Variants in MACO1 observed in about 807,000 individuals in gnomAD.
MACO1 encodes the protein macoilin.
Under a neutral mutation model 78.7 loss-of-function variants are expected in MACO1, and 14 were observed. The observed-to-expected ratio is 0.18, with a 90% confidence interval of 0.12 to 0.28. The LOEUF (loss-of-function observed/expected upper bound fraction) is 0.28. Among genes scored for constraint, MACO1 ranks in the 10% least tolerant of loss-of-function variants. The pLI, the probability that MACO1 is intolerant of heterozygous loss-of-function variation, is 1.00. For missense variants in MACO1, 501 were observed against 799.0 expected, an observed-to-expected ratio of 0.63 and a Z score of 4.50; for synonymous variants, 288 against 291.6, an observed-to-expected ratio of 0.99 and a Z score of 0.12.
chr1:25,450,710 C>T (rs1270727831), intron 3 of MACO1, among the ~76,000 whole-genome samples: 1 of 152,172 alleles, frequency 6.6e-6, no homozygotes, highest in East Asian at 1.9e-4. Context: ...TTATAAGCTA[C>T]TATGAAGGTT....
At chr1:25,455,927 A>G (rs2043115710) in intron 4 of MACO1, among the ~76,000 whole-genome samples, 1 of 151,818 alleles carries the variant, frequency 6.6e-6, no homozygotes, top group South Asian at 2.1e-4. Flanking sequence ...ACTTATGTTT[A>G]CTTTTGGCTA....
At chr1:25,431,290 G>C (rs1557654281) in intron 1 of MACO1, 112 bp downstream of exon 1, 1 of 762,604 alleles carries the variant, frequency 1.3e-6, no homozygotes, top group African/African-American at 1.9e-5. Context: ...CGCGCCGGGG[G>C]CTCTCCTAAG....
chr1:25,472,227 T>C (rs2043277599), intron 6 of MACO1, among the ~76,000 whole-genome samples: 1 of 152,150 alleles, frequency 6.6e-6, no homozygotes, highest in Non-Finnish European at 1.5e-5. Context: ...AGTTCTGGGA[T>C]ACATGTGCAT....
intron 5 of MACO1, 77 bp downstream of exon 5, chr1:25,456,908 A>G: frequency 6.9e-7 from 1 of 1,457,360 alleles, no homozygotes; most frequent in East Asian, 2.3e-5. Flanking sequence ...TCTTTTCTGG[A>G]AAAGTAGCTA....
intron 3 of MACO1, among the ~76,000 whole-genome samples, chr1:25,452,062 T>A (rs1571959226): frequency 6.6e-6 from 1 of 152,272 alleles, no homozygotes; most frequent in Non-Finnish European, 1.5e-5. Context: ...TTCACTCAGG[T>A]ACTAGGACTA....
chr1:25,489,152 C>T (rs1457332739), intron 8 of MACO1, 21 bp from the exon 9 acceptor site: 1 of 1,610,234 alleles, frequency 6.2e-7, no homozygotes, highest in Non-Finnish European at 8.5e-7. Context: ...CACTTTATTT[C>T]CTTCTCTTCT....
chr1:25,491,214 C>T (rs35343405), intron 9 of MACO1, 196 bp from the exon 10 acceptor site: 98,306 of 200,646 alleles, frequency 0.49, 24,518 homozygotes, highest in East Asian at 0.73. Context: ...GTCAAATGAT[C>T]ATCTTCTAAA....
chr1:25,463,571 A>G (rs2043189774), intron 6 of MACO1, among the ~76,000 whole-genome samples: 1 of 152,280 alleles, frequency 6.6e-6, no homozygotes, highest in Non-Finnish European at 1.5e-5. Flanking sequence ...ATTCTAGTCA[A>G]AAACAGAAAA....
chr1:25,481,062 A>G (rs373180630), intron 6 of MACO1, among the ~76,000 whole-genome samples: 4 of 148,880 alleles, frequency 2.7e-5, no homozygotes, highest in East Asian at 3.9e-4. Flanking sequence ...GGATTTTTAC[A>G]TTTTTCAAGG....
rs114699980 is a variant in MACO1 at position 25,468,463 on chromosome 1, A to G, written c.1154+9571A>G. Among the ~76,000 whole-genome samples, 820 of 152,300 alleles carry G rather than the reference A, an allele frequency of 5.4e-3. 9 individuals carry two copies. The highest frequency in any genetic ancestry group is 0.019 in the African/African-American group (788 of 41,564). ...TTCCTCATTCTTGCTTCGAAGGCCT[A>G]GAGTCCTGGGGTGTGCACATTGCCA... On this transcript the variant is annotated intron_variant, in intron 6 of 10. Coordinates refer to ENST00000374343, the MANE Select transcript of MACO1 (RefSeq NM_018202.6).
At chr1:25,456,598 G>A in intron 4 of MACO1, 55 bp from the exon 5 acceptor site, 1 of 1,563,904 alleles carries the variant, frequency 6.4e-7, no homozygotes, top group Non-Finnish European at 8.7e-7. Context: ...TGTGCTTGAG[G>A]CACATGTGGT....
At chr1:25,493,467 C>T (rs2043506940) in intron 10 of MACO1, among the ~76,000 whole-genome samples, 1 of 151,730 alleles carries the variant, frequency 6.6e-6, no homozygotes, top group Non-Finnish European at 1.5e-5. Context: ...CCAGGCTGAC[C>T]TCGAACTCCT....
At chr1:25,486,104 C>G (rs1029449373) in intron 8 of MACO1, among the ~76,000 whole-genome samples, 1 of 152,186 alleles carries the variant, frequency 6.6e-6, no homozygotes, top group African/African-American at 2.4e-5. Flanking sequence ...CTGATGATTA[C>G]TAAATGCATT....
intron 10 of MACO1, 54 bp from the exon 11 acceptor site, chr1:25,498,210 A>G: frequency 5.6e-6 from 9 of 1,593,428 alleles, no homozygotes; most frequent in Non-Finnish European, 7.7e-6. Flanking sequence ...CCCTGGGGAC[A>G]TTGTGTTGGG....
At position 25,486,643 on chromosome 1, in the gene MACO1, T is replaced by C. The variant is rs2043435703; in HGVS notation, c.1496+848T>C. ...GAATTTTGCTTTGTCGTAATTAAAG[T>C]TAAGTAATTTAACTTTTGGCATGTT... On this transcript the variant is annotated intron_variant, in intron 8 of 10. Coordinates refer to ENST00000374343, the MANE Select transcript of MACO1 (RefSeq NM_018202.6). Among the ~76,000 whole-genome samples, 6 of 152,236 alleles carry C rather than the reference T, an allele frequency of 3.9e-5. No homozygotes were observed. The South Asian group carries it at 1.2e-3, about 31-fold the overall frequency.
intron 4 of MACO1, 90 bp from the exon 5 acceptor site, chr1:25,456,563 A>C: frequency 7.5e-7 from 1 of 1,326,020 alleles, no homozygotes. Context: ...ATTTATTTTT[A>C]ATTTTTAAGC....
At chr1:25,458,932 A>G (rs1308195723) in intron 6 of MACO1, 40 bp downstream of exon 6, 2 of 1,576,464 alleles carry the variant, frequency 1.3e-6, no homozygotes, top group South Asian at 1.2e-5. Flanking sequence ...ACTTTCCAGT[A>G]AACTTGACAT....
intron 1 of MACO1, among the ~76,000 whole-genome samples, chr1:25,444,694 C>A (rs2043000640): frequency 6.6e-6 from 1 of 151,972 alleles, no homozygotes; most frequent in Admixed American, 6.6e-5. Flanking sequence ...TCAAACAATT[C>A]TTTTACCTCA....
intron 1 of MACO1, among the ~76,000 whole-genome samples, chr1:25,439,106 GCTT>G (rs1052656859): frequency 3.3e-5 from 5 of 151,924 alleles, no homozygotes; most frequent in African/African-American, 7.3e-5. Flanking sequence ...AGTATGTGTT[GCTT>G]CTTTTTAACT....
Sources: allele counts gnomAD v4.1 joint callset (sites outside exome capture counted in the v4.1 genomes callset), GRCh38; gene constraint gnomAD v4.1.1; transcripts MANE v1.5; gene names NCBI Gene and HGNC (gene_info 2026-07-23, HGNC 2026-07-21).